Variants in TNFAIP8 observed in about 807,000 individuals in gnomAD.
TNFAIP8 encodes tumor necrosis factor alpha-induced protein 8.
A neutral mutation model predicts 13.3 loss-of-function variants in TNFAIP8; 7 were observed. That is an observed-to-expected ratio of 0.52 (90% CI 0.30 to 0.99). The LOEUF (loss-of-function observed/expected upper bound fraction) is 0.99, where lower values mean the gene tolerates loss of function less well. TNFAIP8 is among the 50% of genes least tolerant of loss of function. TNFAIP8 has a pLI of 0.07. For synonymous variants in TNFAIP8, 94 were observed against 87.6 expected, an observed-to-expected ratio of 1.07 and a Z score of -0.41; for missense variants, 258 against 236.9, an observed-to-expected ratio of 1.09 and a Z score of -0.58.
At chr5:119,283,605 C>T (rs1205398447) in intron 1 of TNFAIP8, among the ~76,000 whole-genome samples, 1 of 152,206 alleles carries the variant, frequency 6.6e-6, no homozygotes, top group Non-Finnish European at 1.5e-5. Context: ...GTAAGAGAGT[C>T]GGTGATATGG....
At chr5:119,299,587 T>C (rs1282380918) in intron 1 of TNFAIP8, among the ~76,000 whole-genome samples, 8 of 152,316 alleles carry the variant, frequency 5.3e-5, no homozygotes, top group Admixed American at 2.6e-4. Context: ...AGGCAGTCTG[T>C]CCGTTCTCAG....
intron 1 of TNFAIP8, among the ~76,000 whole-genome samples, chr5:119,374,183 A>G (rs1158016430): frequency 1.3e-5 from 2 of 152,006 alleles, no homozygotes; most frequent in African/African-American, 4.8e-5. Context: ...GAAGTGTTTT[A>G]GATTTTGGAT....
chr5:119,393,470 G>T lies in TNFAIP8; in HGVS notation c.*89G>T. ...AAGGAAAAAAGAAGAATTTTCTAAAGATTACACATATTTCAGAAAGACTTT... is the reference window on the plus strand; with the variant it reads ...AAGGAAAAAAGAAGAATTTTCTAAATATTACACATATTTCAGAAAGACTTT... On this transcript the variant is annotated 3_prime_UTR_variant, in exon 2 of 2. Transcript: ENST00000504771. 2.5e-6 allele frequency: 3 copies of T among 1,203,442 alleles called. No individual in the cohort carries two copies. The highest frequency in any genetic ancestry group is 2.3e-6 in the Non-Finnish European group (2 of 861,076). The allele number at this position is 1,203,442 out of a possible 1,614,324, so 74.5% of individuals were successfully genotyped here.
chr5:119,344,427 C>T (rs952581105), intron 1 of TNFAIP8, among the ~76,000 whole-genome samples: 1 of 152,198 alleles, frequency 6.6e-6, no homozygotes, highest in African/African-American at 2.4e-5. Flanking sequence ...TCAGGCCCCA[C>T]CTCCATCACA....
At chr5:119,391,855 A>T (rs922680286) in intron 1 of TNFAIP8, among the ~76,000 whole-genome samples, 1 of 152,024 alleles carries the variant, frequency 6.6e-6, no homozygotes. Context: ...ACATTTATTG[A>T]GCATTTTCAC....
chr5:119,390,744 G>A (rs555648894), intron 1 of TNFAIP8, among the ~76,000 whole-genome samples: 1 of 152,106 alleles, frequency 6.6e-6, no homozygotes. Flanking sequence ...TTTTGCAGCT[G>A]CCTCTACTAT....
At chr5:119,352,276 T>C (rs968237856), upstream of TNFAIP8, among the ~76,000 whole-genome samples, 1 of 152,102 alleles carries the variant, frequency 6.6e-6, no homozygotes, top group Non-Finnish European at 1.5e-5. Flanking sequence ...CTCCCGCATA[T>C]GGGGAAACAG....
Position 119,279,827 on chromosome 5 carries a change from A to T in TNFAIP8, c.1+10920A>T, listed in dbSNP as rs141505904. On this transcript the variant is annotated intron_variant, in intron 1 of 1. Coordinates refer to the TNFAIP8 transcript ENST00000274456. ...TGTTATATGCTTTTAAAAATAATTTAAAGTGTTATAAGGCAAATTTTAATT... is the reference window on the plus strand; with the variant it reads ...TGTTATATGCTTTTAAAAATAATTTTAAGTGTTATAAGGCAAATTTTAATT... Among the ~76,000 whole-genome samples the T allele has an allele frequency of 6.5e-3, 995 of 152,334 alleles. 8 individuals are homozygous for T. The highest frequency in any genetic ancestry group is 0.023 in the African/African-American group (944 of 41,580).
intron 1 of TNFAIP8, among the ~76,000 whole-genome samples, chr5:119,347,217 G>A (rs1750933775): frequency 6.6e-6 from 1 of 152,160 alleles, no homozygotes; most frequent in African/African-American, 2.4e-5. Flanking sequence ...GAGACTAGAG[G>A]GAGAAGAGGG....
intron 1 of TNFAIP8, among the ~76,000 whole-genome samples, chr5:119,287,309 T>C (rs1358887031): frequency 9.3e-5 from 11 of 118,518 alleles, no homozygotes; most frequent in African/African-American, 2.8e-4. Context: ...TTGCTTTTTT[T>C]CCCCAGCTTT....
chr5:119,272,636 G>T (rs539736523), intron 1 of TNFAIP8, among the ~76,000 whole-genome samples: 6 of 152,322 alleles, frequency 3.9e-5, no homozygotes, highest in Non-Finnish European at 7.3e-5. Flanking sequence ...AGTTACCTGA[G>T]AATTGTTTGA....
At chr5:119,281,940 T>C (rs1361858753) in intron 1 of TNFAIP8, among the ~76,000 whole-genome samples, 1 of 152,228 alleles carries the variant, frequency 6.6e-6, no homozygotes, top group African/African-American at 2.4e-5. Flanking sequence ...GCTCAAATTT[T>C]CTTTCCTTGA....
rs894554326 is a variant in TNFAIP8 at position 119,398,011 on chromosome 5, T to G, written c.*4630T>G. On this transcript the variant is annotated 3_prime_UTR_variant, in exon 2 of 2. Coordinates refer to ENST00000504771, the MANE Select transcript of TNFAIP8 (RefSeq NM_014350.4). ...ATCTGCTGAGCACTGAGAAAGGATA[T>G]GGACAAGTCAGTCAGCATTCACAAT... The G allele has an allele frequency of 6.6e-6, 1 of 152,242 alleles. No individual in the cohort carries two copies. Among genetic ancestry groups the G allele is most frequent in the Non-Finnish European group, 1.5e-5 (1 of 68,046 alleles). 9.4% of individuals were successfully genotyped at this position (152,242 alleles called of 1,614,324 possible).
intron 1 of TNFAIP8, among the ~76,000 whole-genome samples, chr5:119,296,917 G>A (rs1209935699): frequency 2.0e-5 from 3 of 150,978 alleles, no homozygotes; most frequent in African/African-American, 7.3e-5. Context: ...TTTGCGTAGA[G>A]GTGTTTGTAG....
rs72379071 is a variant in TNFAIP8 at position 119,397,126 on chromosome 5, T to TACACAC, written c.*3767_*3772dup. ...AGTTCTTTTTCTCCCACCATGTGAA[T>TACACAC]ACACACACACACACACACACACACA... On this transcript the variant is annotated 3_prime_UTR_variant, in exon 2 of 2. Coordinates refer to ENST00000504771, the MANE Select transcript of TNFAIP8 (RefSeq NM_014350.4). The TACACAC allele has an allele frequency of 6.7e-5, 10 of 149,134 alleles. No homozygotes were observed. The highest frequency in any genetic ancestry group is 4.0e-4 in the East Asian group (2 of 5,044). The allele number at this position is 149,134 out of a possible 1,614,324, so 9.2% of individuals were successfully genotyped here.
chr5:119,306,047 G>A (rs115900666), intron 1 of TNFAIP8, among the ~76,000 whole-genome samples: 152 of 152,238 alleles, frequency 1.0e-3, no homozygotes, highest in African/African-American at 3.5e-3. Context: ...CCCAGATAAG[G>A]AGACTATATT....
chr5:119,298,024 G>T (rs1749233605), intron 1 of TNFAIP8, among the ~76,000 whole-genome samples: 1 of 152,160 alleles, frequency 6.6e-6, no homozygotes, highest in Non-Finnish European at 1.5e-5. Context: ...TGCATTTCCT[G>T]AATACAGCAC....
intron 1 of TNFAIP8, among the ~76,000 whole-genome samples, chr5:119,274,224 T>C (rs911023468): frequency 5.9e-5 from 9 of 152,162 alleles, no homozygotes; most frequent in African/African-American, 9.7e-5. Context: ...AAAAAATGCA[T>C]GGACAGTGTT....
chr5:119,328,184 A>T (rs750225459), intron 1 of TNFAIP8, among the ~76,000 whole-genome samples: 2 of 152,224 alleles, frequency 1.3e-5, no homozygotes, highest in Non-Finnish European at 2.9e-5. Context: ...ATGTAAATTT[A>T]TAGAGCAGAA....
Sources: allele counts gnomAD v4.1 joint callset (sites outside exome capture counted in the v4.1 genomes callset), GRCh38; gene constraint gnomAD v4.1.1; transcripts MANE v1.5; gene names NCBI Gene and HGNC (gene_info 2026-07-23, HGNC 2026-07-21).